Variants in NBAS observed in about 807,000 individuals in gnomAD.
NBAS encodes NBAS subunit of NRZ tethering complex, also known as NAG/BC035112 fusion.
In NBAS, 219 loss-of-function variants were observed where a neutral mutation model predicts 302.5. The observed-to-expected ratio is 0.72, with a 90% CI of 0.65 to 0.81. The LOEUF (loss-of-function observed/expected upper bound fraction) is 0.81, where lower values mean the gene tolerates loss of function less well. Among genes scored for constraint, NBAS ranks in the 30% least tolerant of loss-of-function variants. The probability of loss-of-function intolerance (pLI) is 0.00; values close to 1 mark genes in which losing one functional copy is unlikely to be tolerated. For synonymous variants in NBAS, 1,118 were observed against 1,021.6 expected, an observed-to-expected ratio of 1.09 and a Z score of -1.80; for missense variants, 2,932 against 2,841.6, an observed-to-expected ratio of 1.03 and a Z score of -0.72.
At chr2:15,160,585 C>CGGGGGGGGGGGGGGGGGGG in the NBAS span, among the ~76,000 whole-genome samples, 6 of 92,286 alleles carry the variant, frequency 6.5e-5, no homozygotes, top group Admixed American at 4.6e-4. Flanking sequence ...CCAGTGTGGG[C>CGGGGGGGGGGGGGGGGGGG]GGGGGGAGGG....
At chr2:14,997,183 GA>G in the NBAS span, among the ~76,000 whole-genome samples, 1 of 152,102 alleles carries the variant, frequency 6.6e-6, no homozygotes, top group Non-Finnish European at 1.5e-5. Context: ...GAGAGGAGCA[GA>G]AAAGGAGCAG....
At chr2:14,796,008 T>C in the NBAS span, among the ~76,000 whole-genome samples, 1 of 152,226 alleles carries the variant, frequency 6.6e-6, no homozygotes, top group Non-Finnish European at 1.5e-5. Context: ...GTCTATGATA[T>C]AGTTTAATTT....
chr2:14,829,693 A>G, the NBAS span, among the ~76,000 whole-genome samples: 3 of 152,204 alleles, frequency 2.0e-5, no homozygotes, highest in Admixed American at 6.5e-5. Context: ...TTTACAGGAT[A>G]CTGGAGCAAA....
chr2:15,470,083 A>C (rs192978460), intron 16 of NBAS, among the ~76,000 whole-genome samples: 37 of 152,240 alleles, frequency 2.4e-4, no homozygotes, highest in Admixed American at 5.9e-4. Context: ...GATTTGACTC[A>C]TTCCCTAGGA....
Position 15,207,771 on chromosome 2 carries a change from G to T in NBAS, c.6432+11002C>A, listed in dbSNP as rs1469543560. Among the ~76,000 whole-genome samples, 5 of 152,182 alleles carry T rather than the reference G, an allele frequency of 3.3e-5. No individual in the cohort carries two copies. In the South Asian group the frequency reaches 8.3e-4, roughly 25 times the overall value. On this transcript the variant is annotated intron_variant, in intron 48 of 51. Coordinates refer to ENST00000281513, the MANE Select transcript of NBAS (RefSeq NM_015909.4). ...TTGCTCTTCATTTGCTGTCATGGTT[G>T]TAAGTTTCCTGGGGCCTCCCAAGCC...
chr2:14,965,231 C>A, the NBAS span, among the ~76,000 whole-genome samples: 3 of 151,930 alleles, frequency 2.0e-5, no homozygotes, highest in Admixed American at 1.3e-4. Context: ...TAAGTAAAGC[C>A]AATCAACGCA....
At chr2:15,551,426 T>A (rs1462305891) in intron 6 of NBAS, 67 bp downstream of exon 6, 1 of 1,079,984 alleles carries the variant, frequency 9.3e-7, no homozygotes, top group East Asian at 2.5e-5. Flanking sequence ...ATTCTAACTT[T>A]TAAGAAACAT....
chr2:15,439,985 G>A (rs1678270694), intron 21 of NBAS, among the ~76,000 whole-genome samples: 1 of 152,254 alleles, frequency 6.6e-6, no homozygotes, highest in South Asian at 2.1e-4. Context: ...GACTTGCTTA[G>A]GTAAACAAAG....
chr2:15,318,997 A>T (rs1411205992), intron 38 of NBAS, among the ~76,000 whole-genome samples: 1 of 152,226 alleles, frequency 6.6e-6, no homozygotes, highest in Non-Finnish European at 1.5e-5. Context: ...CATAATTGGA[A>T]GTAAAACACT....
chr2:14,911,233 C>T, the NBAS span, among the ~76,000 whole-genome samples: 20 of 152,292 alleles, frequency 1.3e-4, no homozygotes, highest in East Asian at 7.7e-4. Context: ...GAAGGAGCTG[C>T]GAAAAAGTGG....
chr2:15,525,958 T>TATA (rs1395930009), intron 9 of NBAS, among the ~76,000 whole-genome samples: 1 of 151,952 alleles, frequency 6.6e-6, no homozygotes, highest in Non-Finnish European at 1.5e-5. Flanking sequence ...CCAGATAGGG[T>TATA]ATAAACTCCT....
chr2:15,376,232 A>G lies in NBAS; in HGVS notation c.3591-1512T>C, dbSNP rs114182985. 5.0e-3 allele frequency among the ~76,000 whole-genome samples: 764 copies of G among 152,320 alleles called. 10 individuals are homozygous for G. The highest frequency in any genetic ancestry group is 0.017 in the African/African-American group (708 of 41,582). On this transcript the variant is annotated intron_variant, in intron 30 of 51. Transcript: ENST00000281513. The stretch of plus-strand genomic sequence containing the variant: ...TCAATATAACTGTGAACACTGAAAT[A>G]CATCCAGGCTCACAGGTCACAATCA...
At chr2:14,862,662 C>G in the NBAS span, among the ~76,000 whole-genome samples, 1 of 152,122 alleles carries the variant, frequency 6.6e-6, no homozygotes, top group Admixed American at 6.5e-5. Flanking sequence ...GTAAAATCGC[C>G]TAGTACAATG....
chr2:14,826,821 A>T, the NBAS span, among the ~76,000 whole-genome samples: 1 of 152,224 alleles, frequency 6.6e-6, no homozygotes, highest in Non-Finnish European at 1.5e-5. Context: ...TGTCACTCAC[A>T]GGCGCTAGGA....
At chr2:15,019,913 C>A in the NBAS span, among the ~76,000 whole-genome samples, 1 of 152,310 alleles carries the variant, frequency 6.6e-6, no homozygotes, top group African/African-American at 2.4e-5. Context: ...AAATAAATTT[C>A]TGTTGTTTGC....
At chr2:15,415,865 G>T in intron 24 of NBAS, 146 bp from the exon 25 acceptor site, 1 of 836,128 alleles carries the variant, frequency 1.2e-6, no homozygotes, top group Non-Finnish European at 2.0e-6. Flanking sequence ...ACACAGTCCA[G>T]TTCACCACTC....
At position 15,384,670 on chromosome 2, in the gene NBAS, C is replaced by T. The variant is rs181331633; in HGVS notation, c.3258-1353G>A. Among the ~76,000 whole-genome samples, 37 of 152,182 alleles carry T rather than the reference C, an allele frequency of 2.4e-4. No individual in the cohort carries two copies. In the East Asian group the frequency reaches 4.4e-3, roughly 18 times the overall value. On this transcript the variant is annotated intron_variant, in intron 28 of 51. Transcript: ENST00000281513. ...AGGAGAGACAATATACTGTAATTCT[C>T]TCTGCCTCTCTCCAAAGTTCATCTT...
intron 6 of NBAS, among the ~76,000 whole-genome samples, chr2:15,545,163 C>A (rs141695426): frequency 1.3e-5 from 2 of 152,134 alleles, no homozygotes; most frequent in East Asian, 3.9e-4. Context: ...TGTTCTCTGG[C>A]AACAAAAGAA....
chr2:15,132,575 G>T, the NBAS span, among the ~76,000 whole-genome samples: 1 of 152,114 alleles, frequency 6.6e-6, no homozygotes, highest in Non-Finnish European at 1.5e-5. Context: ...AAAAACTATG[G>T]ACTTTGGGAT....
Sources: gnomAD v4.1 joint callset for allele counts (sites outside exome capture counted in the v4.1 genomes callset) on GRCh38, gnomAD v4.1.1 for gene constraint, MANE v1.5 for transcripts, NCBI Gene and HGNC (gene_info 2026-07-23, HGNC 2026-07-21) for gene names.